DNAJC5G: variants seen among roughly 807,000 people sequenced by gnomAD.
DNAJC5G encodes the protein dnaJ homolog subfamily C member 5G.
In DNAJC5G, 13 loss-of-function variants were observed where a neutral mutation model predicts 19.1. The observed-to-expected ratio is 0.68, with a 90% confidence interval of 0.44 to 1.08. The LOEUF (loss-of-function observed/expected upper bound fraction) is 1.08. Ranked by LOEUF, DNAJC5G falls within the 50% of genes least tolerant of loss-of-function variation. The pLI is 0.00. For missense variants in DNAJC5G, 245 were observed against 230.4 expected (o/e 1.06, Z -0.41); for synonymous variants, 81 against 84.4 (o/e 0.96, Z 0.22).
rs1677981839 is a variant in DNAJC5G, at chr2:27,275,509, A to G, written c.-330A>G. 6.0e-6 allele frequency: 2 copies of G among 332,614 alleles called. No individual in the cohort carries two copies. Among genetic ancestry groups the G allele is most frequent in the Non-Finnish European group, 1.2e-5 (2 of 169,108 alleles). 20.6% of individuals were successfully genotyped at this position (332,614 alleles called of 1,614,324 possible). A position where few individuals can be genotyped will look rare whatever the true frequency, so the allele number is the denominator to read the frequency against. ...CCGGCCGGTGTGAAGTTTCACACCC[A>G]AAAGGATGAAGGGCACCCACCTGGC... On this transcript the variant is annotated 5_prime_UTR_variant, in exon 1 of 7. Transcript: ENST00000296097.
chr2:27,276,579 C>A, intron 2 of DNAJC5G, 147 bp from the exon 3 acceptor site: 1 of 607,716 alleles, frequency 1.6e-6, no homozygotes, highest in Non-Finnish European at 2.8e-6. Flanking sequence ...GCCACAAATC[C>A]CACTCACTCT....
chr2:27,278,104 G>A, intron 4 of DNAJC5G, 84 bp from the exon 5 acceptor site: 1 of 1,607,984 alleles, frequency 6.2e-7, no homozygotes, highest in African/African-American at 1.3e-5. Context: ...CTCATTTTCT[G>A]GGTGCCAGGA....
chr2:27,276,960 C>A, intron 3 of DNAJC5G, 119 bp downstream of exon 3: 1 of 828,106 alleles, frequency 1.2e-6, no homozygotes, highest in African/African-American at 1.9e-5. Flanking sequence ...GAAGTCTCGT[C>A]CTGTCACAGA....
Position 27,280,166 on chromosome 2 carries a change from G to A in DNAJC5G, c.521G>A (p.Gly174Glu). ...QNVQSQPPRS[G>E]AKCDFRSEEN... ...AAACATATATATAATTCCATCATAG[G>A]AGCCAAATGTGATTTTAGAAGCGAG... Residue 174 changes from glycine (G) to glutamate (E), a missense_variant and splice_region_variant, in exon 6 of 7, where the codon GGA (glycine) becomes GAA (glutamate). Gly to Glu is a moderately conservative substitution (Grantham distance 98). Transcript: ENST00000296097. 1.2e-6 allele frequency: 2 copies of A among 1,613,668 alleles called. No homozygotes were observed. Among genetic ancestry groups the A allele is most frequent in the Non-Finnish European group, 1.7e-6 (2 of 1,179,778 alleles).
rs1678207878 is a variant in DNAJC5G at position 27,278,333 on chromosome 2, GTGAGAA to G, written c.520+2_520+7del. Reference sequence around the variant, plus strand: ...GTCCAGAGTCAGCCTCCAAGGTCAGGTGAGAACTGCAAGCAGGGACTGTGAGGTAAG... The same window carrying G: ...GTCCAGAGTCAGCCTCCAAGGTCAGGCTGCAAGCAGGGACTGTGAGGTAAG... On this transcript the variant is annotated splice_donor_variant and splice_donor_5th_base_variant and intron_variant, in intron 5 of 6. Coordinates refer to ENST00000296097, the MANE Select transcript of DNAJC5G (RefSeq NM_173650.3). LOFTEE classifies it high-confidence loss of function. 3.7e-6 allele frequency: 6 copies of G among 1,614,074 alleles called. No homozygotes were observed. The East Asian group carries it at 1.3e-4, about 36-fold the overall frequency.
chr2:27,276,923 CTTTTTTT>C (rs574019537), intron 3 of DNAJC5G, 82 bp downstream of exon 3: 152 of 514,962 alleles, frequency 3.0e-4, no homozygotes, highest in Middle Eastern at 5.4e-4. Flanking sequence ...CTATCTGACT[CTTTTTTT>C]TTTTTTTTTT....
At position 27,277,796 on chromosome 2, in the gene DNAJC5G, G is replaced by A; in HGVS notation, c.156G>A (p.Leu52=). ...LLPHPPFEYH[L]GRKLALRYHP... ...CCCACCCTCCTTTTGAGTATCACCT[G>A]GGTAGGAAACTGGCCTTGCGGTATC... is the stretch of plus-strand genomic sequence containing the variant. Residue 52 remains leucine (L), a synonymous_variant, in exon 4 of 7, where the codon CTG becomes CTA. Coordinates refer to ENST00000296097, the MANE Select transcript of DNAJC5G (RefSeq NM_173650.3). The A allele has an allele frequency of 2.5e-6, 4 of 1,614,064 alleles. No individual in the cohort carries two copies. The highest frequency in any genetic ancestry group is 3.4e-6 in the Non-Finnish European group (4 of 1,180,008).
chr2:27,277,552 G>A (rs533370259), intron 3 of DNAJC5G, among the ~76,000 whole-genome samples: 3 of 152,128 alleles, frequency 2.0e-5, no homozygotes, highest in Non-Finnish European at 4.4e-5. Flanking sequence ...GTGAGCCAGT[G>A]CTCCCAGCCC....
intron 5 of DNAJC5G, among the ~76,000 whole-genome samples, chr2:27,278,680 T>A: frequency 2.4e-5 from 2 of 85,048 alleles, no homozygotes; most frequent in Non-Finnish European, 2.1e-5. Flanking sequence ...CAAGACTCCA[T>A]CTCAAAAAAA....
At position 27,280,941 on chromosome 2, in the gene DNAJC5G, A is replaced by G. The variant is rs933891956; in HGVS notation, c.*531A>G. Reference sequence around the variant, plus strand: ...TAGCATCAGCCTCATTCCTAAGCCAATAACGCCTGTATGGAGTTGGTTTCA... The same window carrying G: ...TAGCATCAGCCTCATTCCTAAGCCAGTAACGCCTGTATGGAGTTGGTTTCA... On this transcript the variant is annotated 3_prime_UTR_variant, in exon 7 of 7. Transcript: ENST00000296097. 1 of 152,314 alleles carries G rather than the reference A, an allele frequency of 6.6e-6. No individual in the cohort carries two copies. Among genetic ancestry groups the G allele is most frequent in the Non-Finnish European group, 1.5e-5 (1 of 68,062 alleles). The allele number at this position is 152,314 out of a possible 1,614,324, so 9.4% of individuals were successfully genotyped here.
In DNAJC5G at chr2:27,280,054, C is replaced by T. The variant is rs1367738827; in HGVS notation, c.521-112C>T. ...ATAAGCTGATTGAACTTGACACCAG[C>T]GCCACCTGGTGATGCTAATGAGTAA... On this transcript the variant is annotated intron_variant, in intron 5 of 6. Transcript: ENST00000296097. 6.3e-6 allele frequency: 6 copies of T among 949,070 alleles called. No homozygotes were observed. In the Admixed American group the frequency reaches 1.0e-4, roughly 16 times the overall value. 58.8% of individuals were successfully genotyped at this position (949,070 alleles called of 1,614,324 possible). A position where few individuals can be genotyped will look rare whatever the true frequency, so the allele number is the denominator to read the frequency against.
In DNAJC5G at chr2:27,277,934, C is replaced by T; in HGVS notation, c.294C>T (p.Gly98=). 6.2e-7 allele frequency: 1 copy of T among 1,614,194 alleles called. No homozygotes were observed. Among genetic ancestry groups the T allele is most frequent in the Non-Finnish European group, 8.5e-7 (1 of 1,180,040 alleles). Residue 98 remains glycine (G), a synonymous_variant, in exon 4 of 7, where the codon GGC becomes GGT. Coordinates refer to ENST00000296097, the MANE Select transcript of DNAJC5G (RefSeq NM_173650.3). ...AGCGGAAAATTTACGACCAGCATGG[C>T]TCATTGGGAATATATCTGTATGATC... The part of the protein sequence containing the change: ...SKKRKIYDQH[G]SLGIYLYDHF...
At position 27,280,412 on chromosome 2, in the gene DNAJC5G, C is replaced by T. The variant is rs949967008; in HGVS notation, c.*19-17C>T. 5.3e-6 allele frequency: 3 copies of T among 569,192 alleles called. No homozygotes were observed. The African/African-American group carries it at 5.7e-5, about 11-fold the overall frequency. 35.3% of individuals were successfully genotyped at this position (569,192 alleles called of 1,614,324 possible). ...ATTCCTTCTGATTAATAAAGCGCCA[C>T]CTTCTTCCGCCACTAGGTGCTGACC... On this transcript the variant is annotated splice_polypyrimidine_tract_variant and intron_variant, in intron 6 of 6. Coordinates refer to ENST00000296097, the MANE Select transcript of DNAJC5G (RefSeq NM_173650.3).
chr2:27,276,693 G>T, intron 2 of DNAJC5G, 33 bp from the exon 3 acceptor site: 1 of 1,602,746 alleles, frequency 6.2e-7, no homozygotes, highest in South Asian at 1.1e-5. Flanking sequence ...ACTTGTAGAA[G>T]TTCTCACAGA....
chr2:27,278,973 C>A (rs1171347425), intron 5 of DNAJC5G, among the ~76,000 whole-genome samples: 1 of 148,086 alleles, frequency 6.8e-6, no homozygotes, highest in African/African-American at 2.5e-5. Context: ...CCACTGCACT[C>A]CAGCTTGGGC....
At chr2:27,278,394 AT>A in intron 5 of DNAJC5G, 62 bp downstream of exon 5, 1 of 1,597,858 alleles carries the variant, frequency 6.3e-7, no homozygotes, top group Admixed American at 1.7e-5. Flanking sequence ...GAAAGAAATG[AT>A]TGGGGTTGGG....
At chr2:27,280,126 A>T (rs763282160) in intron 5 of DNAJC5G, 40 bp from the exon 6 acceptor site, 1 of 1,595,584 alleles carries the variant, frequency 6.3e-7, no homozygotes, top group Non-Finnish European at 8.6e-7. Flanking sequence ...AAAGTTACTA[A>T]ACGTTTGTAT....
intron 5 of DNAJC5G, 56 bp downstream of exon 5, chr2:27,278,388 G>T (rs567547361): frequency 7.4e-5 from 119 of 1,602,784 alleles, no homozygotes; most frequent in African/African-American, 9.4e-5. Context: ...GGGAATGAAA[G>T]AAATGATTGG....
rs1400099576 is a variant in DNAJC5G at position 27,277,944 on chromosome 2, A to G, written c.304A>G (p.Ile102Val). Reference protein sequence around the residue: ...KIYDQHGSLGIYLYDHFGEEG... With the variant: ...KIYDQHGSLGVYLYDHFGEEG... Reference sequence around the variant, plus strand: ...TTACGACCAGCATGGCTCATTGGGAATATATCTGTATGATCACTTTGGTGA... The same window carrying G: ...TTACGACCAGCATGGCTCATTGGGAGTATATCTGTATGATCACTTTGGTGA... The change falls in exon 4 of 7, where the codon ATA becomes GTA. Residue 102 changes from isoleucine to valine, a missense_variant. Transcript: ENST00000296097. 6.2e-7 allele frequency: 1 copy of G among 1,614,218 alleles called. No homozygotes were observed. The highest frequency in any genetic ancestry group is 1.7e-5 in the Admixed American group (1 of 60,036).
Sources: allele counts gnomAD v4.1 joint callset (sites outside exome capture counted in the v4.1 genomes callset), GRCh38; gene constraint gnomAD v4.1.1; transcripts MANE v1.5; gene names NCBI Gene and HGNC (gene_info 2026-07-23, HGNC 2026-07-21).